Variants in OPCML observed in about 807,000 individuals in gnomAD.
OPCML encodes opioid-binding protein/cell adhesion molecule.
A neutral mutation model predicts 37.8 loss-of-function variants in OPCML; 13 were observed. The observed-to-expected ratio is 0.34, with a 90% CI of 0.22 to 0.55. The LOEUF (loss-of-function observed/expected upper bound fraction) is 0.55. Among genes scored for constraint, OPCML ranks in the 20% least tolerant of loss-of-function variants. The pLI is 0.91. For missense variants in OPCML, 341 were observed against 435.6 expected (o/e 0.78, Z 1.93); for synonymous variants, 176 against 168.8 (o/e 1.04, Z -0.33).
chr11:133,456,742 CAA>C (rs1219942167), intron 1 of OPCML, among the ~76,000 whole-genome samples: 1 of 145,544 alleles, frequency 6.9e-6, no homozygotes, highest in Non-Finnish European at 1.5e-5. Context: ...TTAAAACAAA[CAA>C]ATAGAAATTC....
At chr11:133,189,754 C>A (rs1938228124) in intron 1 of OPCML, among the ~76,000 whole-genome samples, 1 of 152,224 alleles carries the variant, frequency 6.6e-6, no homozygotes, top group Non-Finnish European at 1.5e-5. Context: ...GGACAGTCAC[C>A]AGGTAGGGCT....
At chr11:132,886,695 C>T (rs1164390416) in intron 2 of OPCML, among the ~76,000 whole-genome samples, 2 of 152,288 alleles carry the variant, frequency 1.3e-5, no homozygotes, top group East Asian at 1.9e-4. Flanking sequence ...GAAAAGGGGG[C>T]CCAGACTCCT....
chr11:132,846,397 A>C (rs1941542775), intron 2 of OPCML, among the ~76,000 whole-genome samples: 1 of 152,216 alleles, frequency 6.6e-6, no homozygotes, highest in South Asian at 2.1e-4. Context: ...ATAATGTCAG[A>C]GTGGCTGGGA....
intron 1 of OPCML, among the ~76,000 whole-genome samples, chr11:132,944,280 CGCCGATGCCA>C (rs1945690863): frequency 6.6e-6 from 1 of 152,172 alleles, no homozygotes; most frequent in Admixed American, 6.5e-5. Flanking sequence ...CACCTTCCCT[CGCCGATGCCA>C]GCGCAGAAGT....
chr11:133,025,233 T>C lies in OPCML; in HGVS notation c.62-82223A>G, dbSNP rs181404985. On this transcript the variant is annotated intron_variant, in intron 1 of 7. Transcript: ENST00000524381. ...AGTTCATAGAAATGTAAATTATTTTTATTTGTGCAAATATACACCATCTCT... is the reference window on the plus strand; with the variant it reads ...AGTTCATAGAAATGTAAATTATTTTCATTTGTGCAAATATACACCATCTCT... The C allele has an allele frequency of 1.1e-3, 845 of 752,188 alleles. 1 individual carries two copies. The highest frequency in any genetic ancestry group is 2.8e-3 in the Middle Eastern group (4 of 1,446). The allele number at this position is 752,188 out of a possible 1,614,324, so 46.6% of individuals were successfully genotyped here. A position where few individuals can be genotyped will look rare whatever the true frequency, so the allele number is the denominator to read the frequency against.
At position 132,572,536 on chromosome 11, in the gene OPCML, A is replaced by G. The variant is rs11223132; in HGVS notation, c.380-43350T>C. ...CCTCTATCCATGGTATATTCTTGGCACCCTTGTTGAAGATCAATTGACTAT... is the reference window on the plus strand; with the variant it reads ...CCTCTATCCATGGTATATTCTTGGCGCCCTTGTTGAAGATCAATTGACTAT... On this transcript the variant is annotated intron_variant, in intron 3 of 7. Coordinates refer to ENST00000524381, the MANE Select transcript of OPCML (RefSeq NM_001012393.5). Among the ~76,000 whole-genome samples the G allele has an allele frequency of 0.012, 1,766 of 152,106 alleles. 124 individuals are homozygous for G. The East Asian group carries it at 0.2, about 18-fold the overall frequency.
chr11:133,236,132 A>T (rs1414664210), intron 1 of OPCML, among the ~76,000 whole-genome samples: 1 of 152,160 alleles, frequency 6.6e-6, no homozygotes, highest in African/African-American at 2.4e-5. Flanking sequence ...CAGCATCACT[A>T]CTTTTGCAAT....
At chr11:133,468,281 C>A (rs776055243) in intron 1 of OPCML, among the ~76,000 whole-genome samples, 61 of 152,222 alleles carry the variant, frequency 4.0e-4, no homozygotes, top group Non-Finnish European at 5.9e-4. Context: ...CCCCTACCTG[C>A]AAAGGCAGGT....
rs147853693 is a variant in OPCML at position 133,369,390 on chromosome 11, G to A, written c.61+162874C>T. On this transcript the variant is annotated intron_variant, in intron 1 of 7. Transcript: ENST00000524381. ...TCCTCAAACTTGACAATGTAGAAAA[G>A]CTCCCCAAAAGAAATTTCCAAAAGC... 3.2e-3 allele frequency among the ~76,000 whole-genome samples: 482 copies of A among 152,178 alleles called. 2 individuals carry two copies. Among genetic ancestry groups the A allele is most frequent in the African/African-American group, 1.0e-2 (415 of 41,526 alleles).
intron 2 of OPCML, among the ~76,000 whole-genome samples, chr11:132,757,894 T>C (rs1262938679): frequency 6.6e-6 from 1 of 152,332 alleles, no homozygotes; most frequent in South Asian, 2.1e-4. Context: ...CTGAATGGTA[T>C]TGCCTAGTTT....
rs146793984 is a variant in OPCML at position 133,190,309 on chromosome 11, T to G, written c.62-247299A>C. ...ATTGTAGCCTTTTCCAGAGCCATTT[T>G]AAGGGACAAAAAAAGAGGAAGGGAG... On this transcript the variant is annotated intron_variant, in intron 1 of 7. Transcript: ENST00000524381. Among the ~76,000 whole-genome samples, 309 of 152,280 alleles carry G rather than the reference T, an allele frequency of 2.0e-3. 3 individuals carry two copies. Among genetic ancestry groups the G allele is most frequent in the African/African-American group, 6.9e-3 (287 of 41,570 alleles).
chr11:133,504,373 GT>G (rs1367330087), intron 1 of OPCML, among the ~76,000 whole-genome samples: 1 of 152,164 alleles, frequency 6.6e-6, no homozygotes, highest in Non-Finnish European at 1.5e-5. Flanking sequence ...AATAGTTTCT[GT>G]CTGACCCTTC....
intron 2 of OPCML, among the ~76,000 whole-genome samples, chr11:132,918,016 T>TAAAAAATTTAAAAAAA (rs1323123678): frequency 6.6e-6 from 1 of 152,206 alleles, no homozygotes; most frequent in Non-Finnish European, 1.5e-5. Context: ...AAAATTGTTT[T>TAAAAAATTTAAAAAAA]AATATGTTTT....
chr11:132,603,822 T>C (rs1938088609), intron 3 of OPCML, among the ~76,000 whole-genome samples: 1 of 152,216 alleles, frequency 6.6e-6, no homozygotes, highest in Admixed American at 6.5e-5. Flanking sequence ...AATTGTACTA[T>C]ATCTTCCTAA....
intron 1 of OPCML, among the ~76,000 whole-genome samples, chr11:133,017,078 A>C (rs1007294143): frequency 6.6e-6 from 1 of 152,186 alleles, no homozygotes; most frequent in Non-Finnish European, 1.5e-5. Flanking sequence ...AGGTGCCTGC[A>C]GGGTTGGATT....
Position 133,211,263 on chromosome 11 carries a change from TATTTTTAGAGCCTCTA to T in OPCML, c.62-268269_62-268254del, listed in dbSNP as rs1939346350. Among the ~76,000 whole-genome samples, 2 of 152,304 alleles carry T rather than the reference TATTTTTAGAGCCTCTA, an allele frequency of 1.3e-5. No individual in the cohort carries two copies. Among genetic ancestry groups the T allele is most frequent in the Admixed American group, 1.3e-4 (2 of 15,306 alleles). On this transcript the variant is annotated intron_variant, in intron 1 of 7. Transcript: ENST00000524381. The surrounding 1 kb of genome is among the most constrained non-coding windows in gnomAD (Gnocchi z 4.1). ...AGTGAGTGAGGTGGTGGACATTTGT[TATTTTTAGAGCCTCTA>T]ATTGAGACCACAGCACCCAGCACCT... is the stretch of plus-strand genomic sequence containing the variant.
In OPCML at chr11:132,706,075, G is replaced by C. The variant is rs145363804; in HGVS notation, c.147-48756C>G. On this transcript the variant is annotated intron_variant, in intron 2 of 7. Transcript: ENST00000524381. ...CACACCTCGGCCTCCCAAAGTGCTG[G>C]GATTACAGGCATGAGCTACCGTGAC... Among the ~76,000 whole-genome samples, 245 of 152,176 alleles carry C rather than the reference G, an allele frequency of 1.6e-3. 1 individual carries two copies. Among genetic ancestry groups the C allele is most frequent in the African/African-American group, 5.6e-3 (232 of 41,514 alleles).
At chr11:133,197,433 T>C (rs1299775557) in intron 1 of OPCML, among the ~76,000 whole-genome samples, 1 of 152,246 alleles carries the variant, frequency 6.6e-6, no homozygotes, top group Non-Finnish European at 1.5e-5. Flanking sequence ...ACTCAGCACA[T>C]GGTGCCTGCC....
chr11:133,409,665 A>G (rs1945602844), intron 1 of OPCML, among the ~76,000 whole-genome samples: 1 of 152,210 alleles, frequency 6.6e-6, no homozygotes, highest in Non-Finnish European at 1.5e-5. Flanking sequence ...TCTCATAGAT[A>G]CTAGTAGGTC....
Sources: allele counts gnomAD v4.1 joint callset (sites outside exome capture counted in the v4.1 genomes callset), GRCh38; gene constraint gnomAD v4.1.1; non-coding constraint Gnocchi (gnomAD v3.1); transcripts MANE v1.5; gene names NCBI Gene and HGNC (gene_info 2026-07-23, HGNC 2026-07-21).